DIS3L2: variants seen among roughly 807,000 people sequenced by gnomAD.
The protein encoded by DIS3L2 is DIS3-like exonuclease 2.
A neutral mutation model predicts 97.5 loss-of-function variants in DIS3L2; 34 were observed. The observed-to-expected ratio is 0.35, with a 90% CI of 0.27 to 0.46. The LOEUF (loss-of-function observed/expected upper bound fraction) is 0.46. DIS3L2 is among the 20% of genes least tolerant of loss of function. DIS3L2 has a pLI of 1.00. For synonymous variants in DIS3L2, 435 were observed against 445.2 expected, an observed-to-expected ratio of 0.98 and a Z score of 0.29; for missense variants, 1,038 against 1,146.0, an observed-to-expected ratio of 0.91 and a Z score of 1.36.
At chr2:231,971,583 G>T (rs1692913549) in intron 1 of DIS3L2, among the ~76,000 whole-genome samples, 1 of 152,094 alleles carries the variant, frequency 6.6e-6, no homozygotes, top group Admixed American at 6.5e-5. Context: ...GAGTAGCTGG[G>T]ACTACAGGCG....
chr2:232,143,948 T>G (rs1461584972), intron 8 of DIS3L2, among the ~76,000 whole-genome samples: 1 of 152,176 alleles, frequency 6.6e-6, no homozygotes, highest in Non-Finnish European at 1.5e-5. Context: ...TGCTTGTTTT[T>G]GAACCTTTAC....
intron 14 of DIS3L2, among the ~76,000 whole-genome samples, chr2:232,323,677 A>G (rs1269103824): frequency 6.6e-6 from 1 of 152,102 alleles, no homozygotes; most frequent in East Asian, 1.9e-4. Flanking sequence ...GGAACGTCCA[A>G]TGCATTCAGG....
intron 10 of DIS3L2, among the ~76,000 whole-genome samples, chr2:232,214,897 G>A (rs548582061): frequency 1.3e-5 from 2 of 152,294 alleles, no homozygotes; most frequent in African/African-American, 4.8e-5. Context: ...CTCTAAAGTT[G>A]TATTCTCTAA....
rs772431397 is a variant in DIS3L2 at position 232,172,631 on chromosome 2, T to C, written c.1124+8999T>C. The C allele has an allele frequency of 1.6e-5, 8 of 513,358 alleles. No individual in the cohort carries two copies. In the East Asian group the frequency reaches 4.5e-4, roughly 29 times the overall value. The allele number at this position is 513,358 out of a possible 1,614,324, so 31.8% of individuals were successfully genotyped here. ...TACAGGTTTTGGTGTGGACATTCAG[T>C]TATTTTGGGTATACACCTAGGAGTG... On this transcript the variant is annotated intron_variant, in intron 9 of 20. Coordinates refer to ENST00000325385, the MANE Select transcript of DIS3L2 (RefSeq NM_152383.5).
intron 5 of DIS3L2, among the ~76,000 whole-genome samples, chr2:232,066,173 A>G (rs1022776439): frequency 1.3e-5 from 2 of 151,932 alleles, no homozygotes; most frequent in South Asian, 2.1e-4. Flanking sequence ...AACCTTCACT[A>G]TGATGTTGAA....
chr2:232,295,522 C>T (rs914542141), intron 13 of DIS3L2, among the ~76,000 whole-genome samples: 1 of 152,182 alleles, frequency 6.6e-6, no homozygotes. Context: ...TTAATGTCTT[C>T]TACTCCACCA....
At position 232,062,109 on chromosome 2, in the gene DIS3L2, G is replaced by A. The variant is rs148838750; in HGVS notation, c.367-25378G>A. 7.8e-3 allele frequency among the ~76,000 whole-genome samples: 1,182 copies of A among 152,256 alleles called. 14 individuals carry two copies. The highest frequency in any genetic ancestry group is 0.026 in the African/African-American group (1,087 of 41,528). ...GCTACGGGGCGGGCTGGGTTGGGGGGCCGCTATGCCGAGATGAAGGAAAGT... is the reference window on the plus strand; with the variant it reads ...GCTACGGGGCGGGCTGGGTTGGGGGACCGCTATGCCGAGATGAAGGAAAGT... On this transcript the variant is annotated intron_variant, in intron 5 of 20. Transcript: ENST00000325385.
Position 232,135,046 on chromosome 2 carries a change from C to T in DIS3L2, c.703-1426C>T, listed in dbSNP as rs368109817. 6.6e-5 allele frequency among the ~76,000 whole-genome samples: 10 copies of T among 152,080 alleles called. No individual in the cohort carries two copies. The East Asian group carries it at 1.2e-3, about 18-fold the overall frequency. The stretch of plus-strand genomic sequence containing the variant: ...CAAGCGAGCTGTGTGGTGGATTCAT[C>T]GGAGAGGAGGTGTTGGAATTGGAAT... On this transcript the variant is annotated intron_variant, in intron 7 of 20. Coordinates refer to ENST00000325385, the MANE Select transcript of DIS3L2 (RefSeq NM_152383.5).
intron 13 of DIS3L2, among the ~76,000 whole-genome samples, chr2:232,275,903 A>G (rs1447167999): frequency 1.3e-5 from 2 of 152,242 alleles, no homozygotes; most frequent in African/African-American, 4.8e-5. Context: ...CGTGTTCTAC[A>G]GTAACACCAG....
intron 14 of DIS3L2, chr2:232,307,572 G>A (rs1459259285): frequency 1.3e-5 from 2 of 152,116 alleles, no homozygotes; most frequent in Non-Finnish European, 2.9e-5. Context: ...CATTAAACAT[G>A]TCAGACAAAC....
intron 8 of DIS3L2, among the ~76,000 whole-genome samples, chr2:232,138,066 G>A (rs539096507): frequency 3.3e-5 from 5 of 152,246 alleles, no homozygotes; most frequent in African/African-American, 4.8e-5. Flanking sequence ...CCTTTCTGTC[G>A]TATCCCATTG....
intron 9 of DIS3L2, among the ~76,000 whole-genome samples, chr2:232,176,213 G>T (rs1329491197): frequency 2.0e-5 from 3 of 152,128 alleles, no homozygotes; most frequent in Non-Finnish European, 1.5e-5. Flanking sequence ...TTTGTCTTTT[G>T]CATCTTGGTT....
chr2:232,120,592 C>T (rs900749838), intron 6 of DIS3L2, among the ~76,000 whole-genome samples: 2 of 152,130 alleles, frequency 1.3e-5, no homozygotes, highest in Admixed American at 6.6e-5. Flanking sequence ...TGTTCAAGGC[C>T]GTTGTTTTGG....
At chr2:232,062,279 C>T (rs1017012706) in intron 5 of DIS3L2, among the ~76,000 whole-genome samples, 2 of 151,926 alleles carry the variant, frequency 1.3e-5, no homozygotes, top group African/African-American at 2.4e-5. Flanking sequence ...ACTAGAAGCT[C>T]GAGGCTGGAA....
At chr2:232,287,128 T>A (rs1351093004) in intron 13 of DIS3L2, among the ~76,000 whole-genome samples, 4 of 152,210 alleles carry the variant, frequency 2.6e-5, no homozygotes, top group Non-Finnish European at 1.5e-5. Flanking sequence ...GTCTGTCCCC[T>A]GAGTTCTAGC....
At chr2:232,062,551 C>T (rs1695742107) in intron 5 of DIS3L2, among the ~76,000 whole-genome samples, 1 of 152,100 alleles carries the variant, frequency 6.6e-6, no homozygotes, top group Non-Finnish European at 1.5e-5. Context: ...GATCTCTGTG[C>T]CATTTGGACA....
intron 10 of DIS3L2, among the ~76,000 whole-genome samples, chr2:232,229,423 G>A (rs1391269914): frequency 1.3e-5 from 2 of 152,200 alleles, no homozygotes; most frequent in Non-Finnish European, 2.9e-5. Flanking sequence ...TAAGGACCAA[G>A]TGCCTGCCCT....
intron 9 of DIS3L2, among the ~76,000 whole-genome samples, chr2:232,199,026 CT>C (rs1691827710): frequency 6.6e-6 from 1 of 152,122 alleles, no homozygotes; most frequent in African/African-American, 2.4e-5. Context: ...CCGTGGAAAT[CT>C]TTGTCTGTTC....
intron 13 of DIS3L2, among the ~76,000 whole-genome samples, chr2:232,266,123 T>C (rs1053728302): frequency 6.6e-6 from 1 of 152,228 alleles, no homozygotes; most frequent in Non-Finnish European, 1.5e-5. Flanking sequence ...GAATTAAGTA[T>C]ATGAAATACT....
Sources: gnomAD v4.1 joint callset for allele counts (sites outside exome capture counted in the v4.1 genomes callset) on GRCh38, gnomAD v4.1.1 for gene constraint, MANE v1.5 for transcripts, NCBI Gene and HGNC (gene_info 2026-07-23, HGNC 2026-07-21) for gene names.